PLCG2: variants seen among roughly 807,000 people sequenced by gnomAD.
The protein encoded by PLCG2 is 1-phosphatidylinositol 4,5-bisphosphate phosphodiesterase gamma-2.
Under a neutral mutation model 175.6 loss-of-function variants are expected in PLCG2, and 69 were observed. That is an observed-to-expected ratio of 0.39 (90% CI 0.32 to 0.48). PLCG2 has a LOEUF of 0.48. Among genes scored for constraint, PLCG2 ranks in the 20% least tolerant of loss-of-function variants. The pLI, the probability that PLCG2 is intolerant of heterozygous loss-of-function variation, is 0.91. For synonymous variants in PLCG2, 827 were observed against 624.0 expected, an observed-to-expected ratio of 1.33 and a Z score of -4.85; for missense variants, 1,798 against 1,650.9, an observed-to-expected ratio of 1.09 and a Z score of -1.54.
chr16:81,756,710 G>A (rs1411827842), intron 2 of PLCG2, among the ~76,000 whole-genome samples: 1 of 152,216 alleles, frequency 6.6e-6, no homozygotes, highest in African/African-American at 2.4e-5. Flanking sequence ...TATTGGCACT[G>A]TTTTACAGAT....
chr16:81,955,874 C>A (rs920102049), intron 31 of PLCG2, among the ~76,000 whole-genome samples: 2 of 152,302 alleles, frequency 1.3e-5, no homozygotes, highest in South Asian at 2.1e-4. Flanking sequence ...ATTTATGATA[C>A]CTTGGCTTTT....
chr16:81,822,435 G>T (rs1035671170), intron 2 of PLCG2, among the ~76,000 whole-genome samples: 1 of 152,148 alleles, frequency 6.6e-6, no homozygotes, highest in Non-Finnish European at 1.5e-5. Flanking sequence ...TACCCAGGTG[G>T]ATCCAGTGTG....
At chr16:81,794,469 G>C (rs960963904) in intron 2 of PLCG2, among the ~76,000 whole-genome samples, 1 of 152,160 alleles carries the variant, frequency 6.6e-6, no homozygotes, top group Non-Finnish European at 1.5e-5. Context: ...ACCAATGCCT[G>C]AAGTGTCCAT....
intron 25 of PLCG2, among the ~76,000 whole-genome samples, chr16:81,932,628 G>A (rs1479909568): frequency 6.6e-6 from 1 of 152,152 alleles, no homozygotes; most frequent in African/African-American, 2.4e-5. Context: ...CCCTTGGGAG[G>A]GCCTCACATC....
At chr16:81,769,877 C>G (rs1209588061) in intron 2 of PLCG2, among the ~76,000 whole-genome samples, 1 of 148,806 alleles carries the variant, frequency 6.7e-6, no homozygotes, top group Non-Finnish European at 1.5e-5. Flanking sequence ...GATTCTAGTT[C>G]TGCCACCACT....
In PLCG2 at chr16:81,919,517, C is replaced by T; in HGVS notation, c.2088C>T (p.Asn696=). 1 of 1,614,144 alleles carries T rather than the reference C, an allele frequency of 6.2e-7. No homozygotes were observed. The highest frequency in any genetic ancestry group is 8.5e-7 in the Non-Finnish European group (1 of 1,180,038). ...ARGKVKHCRI[N]RDGRHFVLGT... ...GCAAGGTAAAGCATTGTCGCATCAACCGGGACGGCCGGCACTTTGTGCTGG... is the reference window on the plus strand; with the variant it reads ...GCAAGGTAAAGCATTGTCGCATCAATCGGGACGGCCGGCACTTTGTGCTGG... Residue 696 remains asparagine (N), a synonymous_variant, in exon 20 of 33, where the codon AAC becomes AAT. Transcript: ENST00000564138.
At chr16:81,956,970 C>A in intron 32 of PLCG2, 91 bp downstream of exon 32, 1 of 1,126,604 alleles carries the variant, frequency 8.9e-7, no homozygotes, top group Non-Finnish European at 1.3e-6. Context: ...GGAAAGCCCT[C>A]TGAGTTGCTT....
At chr16:81,910,776 G>A (rs1909587933) in intron 18 of PLCG2, 56 bp downstream of exon 18, 21 of 1,510,474 alleles carry the variant, frequency 1.4e-5, no homozygotes, top group Middle Eastern at 1.7e-4. Context: ...GCTCCACCAG[G>A]CAGAGAAGCT....
intron 31 of PLCG2, among the ~76,000 whole-genome samples, chr16:81,950,939 C>T (rs1047101505): frequency 2.0e-5 from 3 of 151,362 alleles, no homozygotes; most frequent in Non-Finnish European, 4.4e-5. Context: ...GAATAAAACA[C>T]AAATAAAAAT....
In PLCG2 at chr16:81,895,364, C is replaced by A. The variant is rs146466566; in HGVS notation, c.1073-443C>A. On this transcript the variant is annotated intron_variant, in intron 12 of 32. Coordinates refer to ENST00000564138, the MANE Select transcript of PLCG2 (RefSeq NM_002661.5). ...TCATGAGGTCAGGAGATTGAGACCA[C>A]CCTGGCCAACATGGTGCAACCCTGT... Among the ~76,000 whole-genome samples, 348 of 152,132 alleles carry A rather than the reference C, an allele frequency of 2.3e-3. 1 individual carries two copies. The highest frequency in any genetic ancestry group is 7.9e-3 in the African/African-American group (326 of 41,500).
At chr16:81,793,973 G>A (rs1007863343) in intron 2 of PLCG2, among the ~76,000 whole-genome samples, 4 of 152,194 alleles carry the variant, frequency 2.6e-5, no homozygotes, top group Non-Finnish European at 5.9e-5. Context: ...TATCAGATCT[G>A]TGTGTCATAA....
chr16:81,776,121 T>TG (rs1279449837), upstream of PLCG2, among the ~76,000 whole-genome samples: 9 of 5,208 alleles, frequency 1.7e-3, no homozygotes, highest in African/African-American at 2.7e-3. Flanking sequence ...TTCTTTTTTG[T>TG]TTTTTTTGAC....
At chr16:81,923,756 C>T (rs1364073527) in intron 22 of PLCG2, among the ~76,000 whole-genome samples, 162 bp downstream of exon 22, 1 of 152,162 alleles carries the variant, frequency 6.6e-6, no homozygotes, top group Non-Finnish European at 1.5e-5. Context: ...TTGGTGCATG[C>T]TCTATTTGAG....
chr16:81,908,721 G>C (rs955375961), intron 17 of PLCG2, 130 bp downstream of exon 17: 5 of 747,626 alleles, frequency 6.7e-6, no homozygotes, highest in African/African-American at 1.8e-5. Flanking sequence ...CATTTGTCTA[G>C]CTCTTCTAGG....
intron 18 of PLCG2, 151 bp from the exon 19 acceptor site, chr16:81,912,446 T>C: frequency 1.1e-6 from 1 of 908,958 alleles, no homozygotes. Context: ...TGAGGTGCCT[T>C]TGTCTGGGGA....
chr16:81,821,766 A>G (rs1227597279), intron 2 of PLCG2, among the ~76,000 whole-genome samples: 1 of 152,240 alleles, frequency 6.6e-6, no homozygotes, highest in Non-Finnish European at 1.5e-5. Flanking sequence ...AACTGGGGGC[A>G]GTGGCAAATG....
intron 7 of PLCG2, among the ~76,000 whole-genome samples, chr16:81,872,204 C>T (rs1371569769): frequency 4.6e-5 from 7 of 151,970 alleles, no homozygotes; most frequent in Non-Finnish European, 7.4e-5. Context: ...GGTGTGCACC[C>T]GTAATCCCAG....
intron 1 of PLCG2, among the ~76,000 whole-genome samples, chr16:81,782,230 T>G (rs1747426920): frequency 2.5e-4 from 13 of 51,384 alleles, no homozygotes. Flanking sequence ...AATGAGCTTA[T>G]GAGATACAAG....
At chr16:81,844,834 A>T (rs1906028969) in intron 2 of PLCG2, among the ~76,000 whole-genome samples, 1 of 152,286 alleles carries the variant, frequency 6.6e-6, no homozygotes, top group African/African-American at 2.4e-5. Context: ...GCATACATCT[A>T]GTCTCCTATT....
Sources: gnomAD v4.1 joint callset for allele counts (sites outside exome capture counted in the v4.1 genomes callset) on GRCh38, gnomAD v4.1.1 for gene constraint, MANE v1.5 for transcripts, NCBI Gene and HGNC (gene_info 2026-07-23, HGNC 2026-07-21) for gene names.